RAP1GDS1: variants seen among roughly 807,000 people sequenced by gnomAD.
RAP1GDS1 encodes RAP1, GTP-GDP dissociation stimulator 1.
In RAP1GDS1, 35 loss-of-function variants were observed where a neutral mutation model predicts 71.1. That is an observed-to-expected ratio of 0.49 (90% CI 0.38 to 0.65). The LOEUF is 0.65. Ranked by LOEUF, RAP1GDS1 falls within the 30% of genes least tolerant of loss-of-function variation. The pLI is 0.00. For missense variants in RAP1GDS1, 663 were observed against 706.1 expected (o/e 0.94, Z 0.69); for synonymous variants, 229 against 243.1 (o/e 0.94, Z 0.54).
intron 7 of RAP1GDS1, among the ~76,000 whole-genome samples, chr4:98,410,204 G>A (rs1746833766): frequency 6.6e-6 from 1 of 152,152 alleles, no homozygotes; most frequent in Non-Finnish European, 1.5e-5. Flanking sequence ...ACATATAACT[G>A]ACAGAGGGCT....
intron 2 of RAP1GDS1, among the ~76,000 whole-genome samples, chr4:98,307,629 G>A (rs986371313): frequency 6.6e-6 from 1 of 151,962 alleles, no homozygotes; most frequent in Non-Finnish European, 1.5e-5. Context: ...TTGCATTTTT[G>A]TTGTTGCGTA....
At chr4:98,314,799 T>C (rs1730713400) in intron 2 of RAP1GDS1, among the ~76,000 whole-genome samples, 1 of 152,192 alleles carries the variant, frequency 6.6e-6, no homozygotes, top group Non-Finnish European at 1.5e-5. Flanking sequence ...AACTCACATT[T>C]TTAAGTCTTT....
chr4:98,433,654 T>C (rs1750757294), intron 12 of RAP1GDS1, among the ~76,000 whole-genome samples: 1 of 152,202 alleles, frequency 6.6e-6, no homozygotes, highest in South Asian at 2.1e-4. Context: ...GGCAGTGACA[T>C]TTTTACTTCT....
chr4:98,263,977 G>A (rs1722376077), intron 1 of RAP1GDS1, among the ~76,000 whole-genome samples: 1 of 152,088 alleles, frequency 6.6e-6, no homozygotes, highest in African/African-American at 2.4e-5. Flanking sequence ...TTGAAACCTT[G>A]GGGAACAGTT....
intron 4 of RAP1GDS1, among the ~76,000 whole-genome samples, chr4:98,376,249 A>G (rs976312127): frequency 1.3e-5 from 2 of 152,132 alleles, no homozygotes; most frequent in African/African-American, 4.8e-5. Context: ...ACAGCTCAGG[A>G]TGCTTCATAG....
intron 12 of RAP1GDS1, among the ~76,000 whole-genome samples, chr4:98,424,304 G>T (rs964667182): frequency 1.3e-5 from 2 of 152,052 alleles, no homozygotes; most frequent in African/African-American, 2.4e-5. Flanking sequence ...GTTTGCAGGG[G>T]TATACAATCA....
At chr4:98,264,552 G>A (rs1341409325) in intron 1 of RAP1GDS1, among the ~76,000 whole-genome samples, 1 of 152,168 alleles carries the variant, frequency 6.6e-6, no homozygotes, top group Non-Finnish European at 1.5e-5. Context: ...TATCAACTGT[G>A]CAGTGTACTG....
chr4:98,275,208 A>C lies in RAP1GDS1; in HGVS notation c.4+13639A>C, dbSNP rs530249603. On this transcript the variant is annotated intron_variant, in intron 1 of 14. Coordinates refer to ENST00000408927, the MANE Select transcript of RAP1GDS1 (RefSeq NM_001100427.2). ...ATGGTTTGCCATCTAACTCGATAAC[A>C]AAACAATTCACATACTACTTTAAAT... is the stretch of plus-strand genomic sequence containing the variant. Among the ~76,000 whole-genome samples the C allele has an allele frequency of 1.6e-3, 244 of 152,308 alleles. 1 individual carries two copies. The highest frequency in any genetic ancestry group is 4.9e-3 in the African/African-American group (202 of 41,582).
chr4:98,285,873 A>G (rs1268226851), intron 1 of RAP1GDS1, among the ~76,000 whole-genome samples: 1 of 145,198 alleles, frequency 6.9e-6, no homozygotes, highest in Non-Finnish European at 1.5e-5. Flanking sequence ...AATTTAAATT[A>G]TAAATAATAA....
At chr4:98,363,972 T>C (rs1434379978) in intron 4 of RAP1GDS1, among the ~76,000 whole-genome samples, 1 of 152,062 alleles carries the variant, frequency 6.6e-6, no homozygotes, top group Non-Finnish European at 1.5e-5. Context: ...GGACAGAAGA[T>C]GGGGCAATTT....
intron 2 of RAP1GDS1, among the ~76,000 whole-genome samples, chr4:98,329,702 T>C (rs1733651914): frequency 6.8e-6 from 1 of 146,156 alleles, no homozygotes; most frequent in Non-Finnish European, 1.5e-5. Context: ...GGCAGGAGAA[T>C]CACTTGAACC....
At chr4:98,433,485 G>A (rs1017685469) in intron 12 of RAP1GDS1, among the ~76,000 whole-genome samples, 1 of 151,954 alleles carries the variant, frequency 6.6e-6, no homozygotes, top group Non-Finnish European at 1.5e-5. Flanking sequence ...TGTAGAGATG[G>A]GGTCTCGCTA....
At chr4:98,410,446 T>C (rs2110167969) in intron 7 of RAP1GDS1, among the ~76,000 whole-genome samples, 1 of 152,252 alleles carries the variant, frequency 6.6e-6, no homozygotes, top group South Asian at 2.1e-4. Flanking sequence ...GAGTGTAAAT[T>C]GGTACAATTG....
chr4:98,368,796 A>G (rs536942254), intron 4 of RAP1GDS1, among the ~76,000 whole-genome samples: 1 of 152,296 alleles, frequency 6.6e-6, no homozygotes, highest in Admixed American at 6.5e-5. Context: ...GAGAAGCCCT[A>G]TATTTACCTA....
At chr4:98,290,742 GC>G (rs763221118) in intron 1 of RAP1GDS1, among the ~76,000 whole-genome samples, 1 of 152,080 alleles carries the variant, frequency 6.6e-6, no homozygotes, top group Non-Finnish European at 1.5e-5. Flanking sequence ...ACCAGAAGTT[GC>G]ATCAGGTTTT....
At position 98,404,443 on chromosome 4, in the gene RAP1GDS1, T is replaced by G. The variant is rs199884952; in HGVS notation, c.638-34T>G. 2.6e-6 allele frequency: 4 copies of G among 1,546,196 alleles called. No individual in the cohort carries two copies. In the Admixed American group the frequency reaches 6.7e-5, roughly 26 times the overall value. ...GTATTAGAAAACAGTTTCTGGACTTTATTTGGTTTAAGTTTTTCTTTTTTA... is the reference window on the plus strand; with the variant it reads ...GTATTAGAAAACAGTTTCTGGACTTGATTTGGTTTAAGTTTTTCTTTTTTA... On this transcript the variant is annotated intron_variant, in intron 6 of 14. Coordinates refer to ENST00000408927, the MANE Select transcript of RAP1GDS1 (RefSeq NM_001100427.2).
chr4:98,293,699 A>G (rs1475881392), intron 2 of RAP1GDS1, among the ~76,000 whole-genome samples, 184 bp downstream of exon 2: 1 of 152,088 alleles, frequency 6.6e-6, no homozygotes, highest in Non-Finnish European at 1.5e-5. Flanking sequence ...ACGCCCCCGC[A>G]AGATCCTCAA....
At chr4:98,367,432 C>G (rs947416072) in intron 4 of RAP1GDS1, among the ~76,000 whole-genome samples, 1 of 152,142 alleles carries the variant, frequency 6.6e-6, no homozygotes, top group African/African-American at 2.4e-5. Flanking sequence ...GGGGTTGGAC[C>G]CCCGCACAGA....
At chr4:98,384,053 T>C (rs1483097989) in intron 5 of RAP1GDS1, among the ~76,000 whole-genome samples, 2 of 151,604 alleles carry the variant, frequency 1.3e-5, no homozygotes, top group African/African-American at 4.8e-5. Context: ...AAACAATATG[T>C]AAAAGGTAAA....
Sources: gnomAD v4.1 joint callset for allele counts (sites outside exome capture counted in the v4.1 genomes callset) on GRCh38, gnomAD v4.1.1 for gene constraint, MANE v1.5 for transcripts, NCBI Gene and HGNC (gene_info 2026-07-23, HGNC 2026-07-21) for gene names.